The following MYO1E variants were observed in gnomAD, a reference collection of about 807,000 sequenced individuals.
The protein encoded by MYO1E is unconventional myosin-Ie.
Under a neutral mutation model 151.1 loss-of-function variants are expected in MYO1E, and 68 were observed. That is an observed-to-expected ratio of 0.45 (90% CI 0.37 to 0.55). The LOEUF is 0.55. Among genes scored for constraint, MYO1E ranks in the 20% least tolerant of loss-of-function variants. The probability of loss-of-function intolerance (pLI) is 0.00; values close to 1 mark genes in which losing one functional copy is unlikely to be tolerated. For synonymous variants in MYO1E, 601 were observed against 501.7 expected, an observed-to-expected ratio of 1.20 and a Z score of -2.64; for missense variants, 1,363 against 1,389.3, an observed-to-expected ratio of 0.98 and a Z score of 0.30.
At chr15:59,233,815 C>A (rs1266649100) in intron 5 of MYO1E, among the ~76,000 whole-genome samples, 3 of 151,298 alleles carry the variant, frequency 2.0e-5, no homozygotes, top group Non-Finnish European at 2.9e-5. Flanking sequence ...CCCTTACTGT[C>A]CAATAGGGAA....
intron 1 of MYO1E, among the ~76,000 whole-genome samples, chr15:59,293,873 T>G (rs10851646): frequency 0.49 from 74,571 of 151,930 alleles, 20,828 homozygotes; most frequent in Middle Eastern, 0.67. Flanking sequence ...TGAAACCCTG[T>G]CTCTACTAAA....
chr15:59,239,986 A>G (rs1596380537), intron 4 of MYO1E, among the ~76,000 whole-genome samples: 1 of 152,256 alleles, frequency 6.6e-6, no homozygotes, highest in African/African-American at 2.4e-5. Flanking sequence ...ACAAAATAAT[A>G]TATCCCAAAT....
Position 59,178,551 on chromosome 15 carries a change from G to A in MYO1E, c.1905-14C>T, listed in dbSNP as rs1442831739. ...AGAATGGCATACCTGTGGGGACATT[G>A]GGGAGAAGAGAATCACACTTGGGCG... On this transcript the variant is annotated splice_polypyrimidine_tract_variant and intron_variant, in intron 18 of 27. Transcript: ENST00000288235. 11 of 1,613,534 alleles carry A rather than the reference G, an allele frequency of 6.8e-6. No individual in the cohort carries two copies. The highest frequency in any genetic ancestry group is 8.5e-6 in the Non-Finnish European group (10 of 1,179,594).
At chr15:59,195,693 C>T (rs1479009090) in intron 16 of MYO1E, 126 bp from the exon 17 acceptor site, 14 of 970,578 alleles carry the variant, frequency 1.4e-5, no homozygotes, top group African/African-American at 8.0e-5. Flanking sequence ...ACAATTTGCT[C>T]GTTAAGCATA....
chr15:59,260,141 G>C (rs1227699909), intron 3 of MYO1E, among the ~76,000 whole-genome samples: 1 of 152,200 alleles, frequency 6.6e-6, no homozygotes, highest in Non-Finnish European at 1.5e-5. Flanking sequence ...AAAGGGATGT[G>C]TATACAGCAA....
At chr15:59,371,653 C>G (rs6494104) in intron 1 of MYO1E, among the ~76,000 whole-genome samples, 10,991 of 152,218 alleles carry the variant, frequency 0.072, 873 homozygotes, top group African/African-American at 0.2. Context: ...AAAGGGAAAA[C>G]AGCAACAAAC....
At chr15:59,360,424 C>T (rs557876701) in intron 1 of MYO1E, among the ~76,000 whole-genome samples, 1 of 152,126 alleles carries the variant, frequency 6.6e-6, no homozygotes, top group Admixed American at 6.5e-5. Context: ...CAGAGGTGGG[C>T]GAAAATGCAG....
At chr15:59,167,903 G>A (rs922447150) in intron 22 of MYO1E, among the ~76,000 whole-genome samples, 2 of 151,964 alleles carry the variant, frequency 1.3e-5, no homozygotes, top group East Asian at 1.9e-4. Context: ...GGTCTTGAAC[G>A]CCTGACCTCA....
chr15:59,278,237 A>T (rs2080332969), intron 1 of MYO1E, among the ~76,000 whole-genome samples: 1 of 152,230 alleles, frequency 6.6e-6, no homozygotes, highest in Non-Finnish European at 1.5e-5. Context: ...ATTTGATTTC[A>T]GAAAACCTGG....
At chr15:59,151,165 G>T (rs1459959009) in intron 26 of MYO1E, among the ~76,000 whole-genome samples, 8 of 151,986 alleles carry the variant, frequency 5.3e-5, no homozygotes, top group African/African-American at 1.7e-4. Flanking sequence ...GGTGGCTCAC[G>T]CCTGTAATCC....
intron 1 of MYO1E, chr15:59,359,873 A>G (rs2080876014): frequency 6.6e-6 from 1 of 152,180 alleles, no homozygotes; most frequent in African/African-American, 2.4e-5. Flanking sequence ...CACTCCTATT[A>G]AAACTTAAAG....
At chr15:59,278,025 T>G (rs1210054165) in intron 1 of MYO1E, among the ~76,000 whole-genome samples, 2 of 152,208 alleles carry the variant, frequency 1.3e-5, no homozygotes, top group African/African-American at 4.8e-5. Flanking sequence ...TTAAAATAAA[T>G]AGAAACATCA....
chr15:59,305,327 G>A (rs1228235460), intron 1 of MYO1E, among the ~76,000 whole-genome samples: 1 of 152,072 alleles, frequency 6.6e-6, no homozygotes, highest in African/African-American at 2.4e-5. Context: ...CTGAGTAGTT[G>A]GGACTACAAG....
chr15:59,282,122 A>T (rs183026263), intron 1 of MYO1E, among the ~76,000 whole-genome samples: 1 of 152,332 alleles, frequency 6.6e-6, no homozygotes, highest in Non-Finnish European at 1.5e-5. Context: ...GTCCAGCCAT[A>T]GGGAATTTAA....
chr15:59,259,177 G>A (rs982279084), intron 3 of MYO1E, among the ~76,000 whole-genome samples: 1 of 152,152 alleles, frequency 6.6e-6, no homozygotes, highest in Admixed American at 6.5e-5. Flanking sequence ...TGTCACCATT[G>A]TAAAAATGTA....
intron 5 of MYO1E, among the ~76,000 whole-genome samples, chr15:59,232,791 A>G (rs1596377202): frequency 1.3e-5 from 2 of 152,250 alleles, no homozygotes; most frequent in South Asian, 4.1e-4. Flanking sequence ...GTAGGGGTGT[A>G]GCAAAGAGGA....
chr15:59,154,776 T>C (rs921226370), intron 25 of MYO1E, among the ~76,000 whole-genome samples: 1 of 152,234 alleles, frequency 6.6e-6, no homozygotes, highest in African/African-American at 2.4e-5. Flanking sequence ...CAGAATCTGC[T>C]TGGTGGCTTC....
intron 14 of MYO1E, chr15:59,207,556 C>G (rs750941664): frequency 6.2e-7 from 1 of 1,614,024 alleles, no homozygotes. Context: ...TCCCAAAAAC[C>G]GTATTATTGG....
intron 1 of MYO1E, among the ~76,000 whole-genome samples, chr15:59,372,224 C>G (rs2140448575): frequency 6.6e-6 from 1 of 152,234 alleles, no homozygotes; most frequent in African/African-American, 2.4e-5. Flanking sequence ...CACACCCTGG[C>G]TTCCGACAGC....
Sources: gnomAD v4.1 joint callset for allele counts (sites outside exome capture counted in the v4.1 genomes callset) on GRCh38, gnomAD v4.1.1 for gene constraint, MANE v1.5 for transcripts, NCBI Gene and HGNC (gene_info 2026-07-23, HGNC 2026-07-21) for gene names.